Variants in TNIK observed in about 807,000 individuals in gnomAD.
TNIK encodes the protein TRAF2 and NCK-interacting protein kinase.
A neutral mutation model predicts 191.3 loss-of-function variants in TNIK; 49 were observed. The ratio of observed to expected loss-of-function variants is 0.26; its 90% confidence interval spans 0.20 to 0.32. TNIK has a LOEUF of 0.32. Among genes scored for constraint, TNIK ranks in the 10% least tolerant of loss-of-function variants. TNIK has a pLI of 1.00. For missense variants in TNIK, 1,155 were observed against 1,702.3 expected (o/e 0.68, Z 5.66); for synonymous variants, 594 against 600.9 (o/e 0.99, Z 0.17).
intron 2 of TNIK, among the ~76,000 whole-genome samples, chr3:171,328,532 T>G (rs551901278): frequency 6.6e-6 from 1 of 152,344 alleles, no homozygotes; most frequent in African/African-American, 2.4e-5. Context: ...CCAAATTATT[T>G]TAAAGTGAGG....
At chr3:171,210,813 C>A (rs1338208048) in intron 4 of TNIK, among the ~76,000 whole-genome samples, 2 of 143,824 alleles carry the variant, frequency 1.4e-5, no homozygotes, top group Admixed American at 6.9e-5. Context: ...AATACCAAGG[C>A]ACCTAAAATA....
chr3:171,161,601 T>G (rs1347964057), intron 10 of TNIK, among the ~76,000 whole-genome samples: 1 of 152,212 alleles, frequency 6.6e-6, no homozygotes. Flanking sequence ...TTTTAATTTT[T>G]TTATTAATTT....
intron 1 of TNIK, among the ~76,000 whole-genome samples, chr3:171,422,635 G>A (rs1473586555): frequency 6.6e-6 from 1 of 152,118 alleles, no homozygotes; most frequent in African/African-American, 2.4e-5. Flanking sequence ...CTATGTACTG[G>A]AAACTGTGCT....
At chr3:171,178,172 C>A (rs1736188311) in intron 7 of TNIK, among the ~76,000 whole-genome samples, 1 of 152,082 alleles carries the variant, frequency 6.6e-6, no homozygotes, top group Admixed American at 6.6e-5. Context: ...AGGGTGTATG[C>A]TTTTATTTCT....
intron 12 of TNIK, among the ~76,000 whole-genome samples, chr3:171,152,617 A>T (rs1157064633): frequency 6.6e-6 from 1 of 152,156 alleles, no homozygotes; most frequent in East Asian, 1.9e-4. Context: ...TGCAGGTAGT[A>T]GTAGTACATG....
intron 4 of TNIK, among the ~76,000 whole-genome samples, chr3:171,199,576 G>A (rs577969866): frequency 6.6e-6 from 1 of 152,286 alleles, no homozygotes; most frequent in Admixed American, 6.5e-5. Flanking sequence ...TCTGTATTTG[G>A]AAATAGAGCT....
At chr3:171,447,774 A>G (rs1727684562) in intron 1 of TNIK, among the ~76,000 whole-genome samples, 1 of 152,252 alleles carries the variant, frequency 6.6e-6, no homozygotes, top group African/African-American at 2.4e-5. Context: ...AGATGCACAC[A>G]AAGACTTATA....
intron 2 of TNIK, among the ~76,000 whole-genome samples, chr3:171,261,879 A>G (rs1390235856): frequency 6.6e-6 from 1 of 152,240 alleles, no homozygotes; most frequent in Non-Finnish European, 1.5e-5. Context: ...GGGAGGAGAC[A>G]CAAAACTTTG....
rs1423323810 is a variant in TNIK at position 171,060,754 on chromosome 3, A to T, written c.*3127T>A. 2.0e-5 allele frequency among the ~76,000 whole-genome samples: 3 copies of T among 152,148 alleles called. No individual in the cohort carries two copies. Among genetic ancestry groups the T allele is most frequent in the African/African-American group, 7.2e-5 (3 of 41,434 alleles). ...GGTCATCCATTCCTACCACCACTGGATGCAGGAATCCATGCTACAGTATCT... is the reference window on the plus strand; with the variant it reads ...GGTCATCCATTCCTACCACCACTGGTTGCAGGAATCCATGCTACAGTATCT... On this transcript the variant is annotated 3_prime_UTR_variant, in exon 33 of 33. Transcript: ENST00000436636.
chr3:171,227,110 A>G (rs1046729743), intron 3 of TNIK, among the ~76,000 whole-genome samples: 1 of 152,188 alleles, frequency 6.6e-6, no homozygotes, highest in African/African-American at 2.4e-5. Flanking sequence ...GACAACAGAA[A>G]ATTATTAACA....
chr3:171,221,377 C>A (rs1249326299), intron 3 of TNIK, among the ~76,000 whole-genome samples: 2 of 152,120 alleles, frequency 1.3e-5, no homozygotes, highest in Non-Finnish European at 2.9e-5. Flanking sequence ...GGAGGTGCAC[C>A]TCCCCTACCC....
At chr3:171,415,636 C>T (rs1277604490) in intron 1 of TNIK, among the ~76,000 whole-genome samples, 7 of 151,966 alleles carry the variant, frequency 4.6e-5, no homozygotes, top group Admixed American at 3.9e-4. Context: ...GCCATGACTC[C>T]AACAACTGTT....
chr3:171,097,059 C>T (rs1722826635), intron 22 of TNIK, among the ~76,000 whole-genome samples: 1 of 151,942 alleles, frequency 6.6e-6, no homozygotes, highest in Admixed American at 6.6e-5. Context: ...CATAGAATAA[C>T]AAAAAATCTA....
chr3:171,122,090 CT>C (rs1243340854), intron 18 of TNIK, among the ~76,000 whole-genome samples: 6 of 152,182 alleles, frequency 3.9e-5, no homozygotes, highest in African/African-American at 1.4e-4. Flanking sequence ...TATCTTAGGC[CT>C]TAATGTCACT....
intron 12 of TNIK, among the ~76,000 whole-genome samples, chr3:171,146,592 G>A (rs1731623018): frequency 6.6e-6 from 1 of 152,114 alleles, no homozygotes; most frequent in South Asian, 2.1e-4. Context: ...CCACGTAGCA[G>A]CGCTCTGTAA....
chr3:171,435,739 C>T (rs1725953744), intron 1 of TNIK, among the ~76,000 whole-genome samples: 1 of 152,162 alleles, frequency 6.6e-6, no homozygotes, highest in Non-Finnish European at 1.5e-5. Flanking sequence ...TCTGTGTTTT[C>T]AGTTCCATAC....
At chr3:171,213,029 G>A (rs1158677778) in intron 3 of TNIK, among the ~76,000 whole-genome samples, 2 of 152,108 alleles carry the variant, frequency 1.3e-5, no homozygotes, top group East Asian at 3.9e-4. Context: ...CGAAACAGTG[G>A]GGAAGGGAGT....
intron 2 of TNIK, among the ~76,000 whole-genome samples, chr3:171,250,210 A>T (rs765386010): frequency 3.3e-5 from 5 of 152,206 alleles, no homozygotes; most frequent in African/African-American, 7.2e-5. Flanking sequence ...CCATACCTGG[A>T]TGGAAGCTTT....
At chr3:171,098,949 T>C (rs1406737460) in intron 22 of TNIK, among the ~76,000 whole-genome samples, 4 of 152,214 alleles carry the variant, frequency 2.6e-5, no homozygotes, top group Admixed American at 1.3e-4. Context: ...CTTCGTACCC[T>C]TATTTTCTCA....
Sources: allele counts gnomAD v4.1 joint callset (sites outside exome capture counted in the v4.1 genomes callset), GRCh38; gene constraint gnomAD v4.1.1; transcripts MANE v1.5; gene names NCBI Gene and HGNC (gene_info 2026-07-23, HGNC 2026-07-21).